LINGO2: variants seen among roughly 807,000 people sequenced by gnomAD.
LINGO2 encodes leucine-rich repeat and immunoglobulin-like domain-containing nogo receptor-interacting protein 2.
Under a neutral mutation model 30.6 loss-of-function variants are expected in LINGO2, and 14 were observed. The ratio of observed to expected loss-of-function variants is 0.46; its 90% CI spans 0.30 to 0.72. The LOEUF is 0.72. LINGO2 is among the 30% of genes least tolerant of loss of function. The pLI is 0.07. For synonymous variants in LINGO2, 317 were observed against 288.5 expected, an observed-to-expected ratio of 1.10 and a Z score of -1.00; for missense variants, 729 against 751.7, an observed-to-expected ratio of 0.97 and a Z score of 0.35.
intron 4 of LINGO2, among the ~76,000 whole-genome samples, chr9:28,176,346 C>A (rs1003087894): frequency 6.6e-6 from 1 of 152,142 alleles, no homozygotes; most frequent in African/African-American, 2.4e-5. Flanking sequence ...CCTTTTTGCC[C>A]TGAATTAAAT....
At chr9:28,512,198 C>A (rs1450955829) in intron 1 of LINGO2, among the ~76,000 whole-genome samples, 2 of 152,056 alleles carry the variant, frequency 1.3e-5, no homozygotes, top group African/African-American at 2.4e-5. Flanking sequence ...TCAGAAAGCA[C>A]CCGGTTCACG....
the LINGO2 span, among the ~76,000 whole-genome samples, chr9:28,894,020 C>T: frequency 2.3e-4 from 35 of 151,534 alleles, no homozygotes; most frequent in Non-Finnish European, 3.4e-4. Flanking sequence ...TTTGTCCTTG[C>T]GATAGTTTAC....
the LINGO2 span, among the ~76,000 whole-genome samples, chr9:29,091,947 C>T: frequency 2.6e-5 from 4 of 151,882 alleles, no homozygotes; most frequent in South Asian, 2.1e-4. Flanking sequence ...AGTACTAAAT[C>T]GCAACTGATT....
intron 5 of LINGO2, among the ~76,000 whole-genome samples, chr9:27,972,149 G>A (rs373602078): frequency 6.6e-6 from 1 of 152,164 alleles, no homozygotes; most frequent in African/African-American, 2.4e-5. Flanking sequence ...TTAGGTAAAA[G>A]AAAGAGGAGG....
intron 1 of LINGO2, among the ~76,000 whole-genome samples, chr9:28,636,283 T>G (rs1035137758): frequency 6.6e-6 from 1 of 152,216 alleles, no homozygotes. Flanking sequence ...ACAATAAACA[T>G]ACGTGTGCAT....
chr9:28,330,583 T>G (rs1208268850), intron 3 of LINGO2, among the ~76,000 whole-genome samples: 1 of 152,164 alleles, frequency 6.6e-6, no homozygotes, highest in Non-Finnish European at 1.5e-5. Flanking sequence ...CTGAATTTAG[T>G]AAAAGAATTA....
At chr9:28,593,284 G>T (rs949665989) in intron 1 of LINGO2, among the ~76,000 whole-genome samples, 2 of 152,002 alleles carry the variant, frequency 1.3e-5, no homozygotes, top group Admixed American at 6.6e-5. Flanking sequence ...TTACTAATCA[G>T]AAACATGCCA....
intron 5 of LINGO2, among the ~76,000 whole-genome samples, chr9:27,976,875 C>T (rs1306666599): frequency 6.6e-6 from 1 of 152,070 alleles, no homozygotes; most frequent in Non-Finnish European, 1.5e-5. Flanking sequence ...TGTGATAATA[C>T]ACAATGAACT....
chr9:29,083,018 A>G, the LINGO2 span, among the ~76,000 whole-genome samples: 7 of 152,318 alleles, frequency 4.6e-5, no homozygotes, highest in East Asian at 1.4e-3. Context: ...TGTGGAAGTC[A>G]GTGTGGCGAT....
At chr9:29,014,809 A>G in the LINGO2 span, among the ~76,000 whole-genome samples, 1 of 152,162 alleles carries the variant, frequency 6.6e-6, no homozygotes, top group Non-Finnish European at 1.5e-5. Flanking sequence ...ATATGGGTGA[A>G]TAGTATGAAT....
At chr9:29,027,824 C>G in the LINGO2 span, among the ~76,000 whole-genome samples, 841 of 152,242 alleles carry the variant, frequency 5.5e-3, 11 homozygotes, top group African/African-American at 0.019. Flanking sequence ...CTAAACTTTA[C>G]TTTTCCATCC....
chr9:28,305,476 CA>C (rs1424279142), intron 3 of LINGO2, among the ~76,000 whole-genome samples: 3 of 151,934 alleles, frequency 2.0e-5, no homozygotes, highest in African/African-American at 4.8e-5. Context: ...GGAATCTACA[CA>C]AAAAGTACCA....
At chr9:28,881,439 A>C in the LINGO2 span, among the ~76,000 whole-genome samples, 1 of 152,136 alleles carries the variant, frequency 6.6e-6, no homozygotes, top group East Asian at 1.9e-4. Context: ...TTCTATTTTA[A>C]ATTTGTCAGT....
At chr9:28,169,366 T>C (rs1157152551) in intron 4 of LINGO2, among the ~76,000 whole-genome samples, 1 of 152,236 alleles carries the variant, frequency 6.6e-6, no homozygotes, top group African/African-American at 2.4e-5. Flanking sequence ...TCATTTTTAC[T>C]GTATTTAAAG....
intron 1 of LINGO2, among the ~76,000 whole-genome samples, chr9:28,630,406 C>A (rs1265451135): frequency 6.6e-6 from 1 of 151,966 alleles, no homozygotes; most frequent in Non-Finnish European, 1.5e-5. Context: ...TTGACATAAA[C>A]ACTCAAGAAA....
At position 28,147,536 on chromosome 9, in the gene LINGO2, C is replaced by T. The variant is rs548615676; in HGVS notation, c.-86-135131G>A. Among the ~76,000 whole-genome samples the T allele has an allele frequency of 2.0e-4, 31 of 152,150 alleles. No homozygotes were observed. The highest frequency in any genetic ancestry group is 3.8e-4 in the Non-Finnish European group (26 of 68,016). ...CTGGAGAGGCCCCGGGGGAGCCTGG[C>T]GGGATCTGGCTGGTCCTGTGCTCTG... On this transcript the variant is annotated intron_variant, in intron 4 of 5. Transcript: ENST00000379992. This position sits in a 1 kb window ranked among gnomAD's most constrained non-coding sequence, Gnocchi z 4.7.
the LINGO2 span, among the ~76,000 whole-genome samples, chr9:29,167,829 A>C: frequency 9.2e-5 from 14 of 151,968 alleles, no homozygotes; most frequent in Non-Finnish European, 1.6e-4. Flanking sequence ...GACTTATTCC[A>C]CCTATTTTAA....
chr9:28,609,486 A>T (rs770401963), intron 1 of LINGO2, among the ~76,000 whole-genome samples: 1 of 152,048 alleles, frequency 6.6e-6, no homozygotes, highest in Non-Finnish European at 1.5e-5. Flanking sequence ...GCAAAAATAC[A>T]AATAACCAAT....
At chr9:28,816,002 T>C in the LINGO2 span, among the ~76,000 whole-genome samples, 1 of 152,162 alleles carries the variant, frequency 6.6e-6, no homozygotes. Context: ...CCCCATCCAG[T>C]GGGAGCCTCC....
Sources: gnomAD v4.1 joint callset for allele counts (sites outside exome capture counted in the v4.1 genomes callset) on GRCh38, gnomAD v4.1.1 for gene constraint, Gnocchi (gnomAD v3.1) non-coding constraint, MANE v1.5 for transcripts, NCBI Gene and HGNC (gene_info 2026-07-23, HGNC 2026-07-21) for gene names.